Variants in RUNX1 observed in about 807,000 individuals in gnomAD.
RUNX1 encodes RUNX family transcription factor 1.
RUNX1 carries 19 observed loss-of-function variants against 42.8 expected under a neutral mutation model. The observed-to-expected ratio is 0.44, with a 90% CI of 0.31 to 0.65. RUNX1 has a LOEUF of 0.65. RUNX1 is among the 30% of genes least tolerant of loss of function. The pLI, the probability that RUNX1 is intolerant of heterozygous loss-of-function variation, is 0.07. For synonymous variants in RUNX1, 271 were observed against 289.4 expected, an observed-to-expected ratio of 0.94 and a Z score of 0.64; for missense variants, 528 against 672.0, an observed-to-expected ratio of 0.79 and a Z score of 2.37.
chr21:34,967,294 C>T (rs1218449658), intron 2 of RUNX1, among the ~76,000 whole-genome samples: 2 of 114,808 alleles, frequency 1.7e-5, no homozygotes, highest in South Asian at 2.9e-4. Context: ...CACTCCAGCC[C>T]AGGCGACAGT....
chr21:34,881,301 C>A (rs1431551939), intron 4 of RUNX1, among the ~76,000 whole-genome samples: 1 of 152,092 alleles, frequency 6.6e-6, no homozygotes, highest in Non-Finnish European at 1.5e-5. Flanking sequence ...ACAAAAAAAC[C>A]CAATTTCTGC....
chr21:34,898,300 T>C (rs550394076), intron 2 of RUNX1, among the ~76,000 whole-genome samples: 2 of 152,324 alleles, frequency 1.3e-5, no homozygotes, highest in African/African-American at 2.4e-5. Flanking sequence ...CCTGCAGAAC[T>C]GTGGGCTAAA....
At chr21:34,813,347 C>T (rs1009438926) in intron 7 of RUNX1, among the ~76,000 whole-genome samples, 23 of 152,168 alleles carry the variant, frequency 1.5e-4, no homozygotes, top group Admixed American at 5.9e-4. Flanking sequence ...ACCATGATGA[C>T]AAGACGGAAG....
rs6517267 is a variant in RUNX1, at chr21:34,959,065, G to C, written c.59-66102C>G. Among the ~76,000 whole-genome samples, 32 of 151,100 alleles carry C rather than the reference G, an allele frequency of 2.1e-4. 1 individual carries two copies. In the South Asian group the frequency reaches 4.2e-3, roughly 20 times the overall value. ...GGGACTGTTGTGGGGTGGGGGGAGT[G>C]GGGAGGGATAGCATTAGGAGATATA... On this transcript the variant is annotated intron_variant, in intron 2 of 8. Transcript: ENST00000675419.
intron 6 of RUNX1, among the ~76,000 whole-genome samples, chr21:34,847,070 A>C (rs2057327992): frequency 6.6e-6 from 1 of 152,240 alleles, no homozygotes; most frequent in African/African-American, 2.4e-5. Flanking sequence ...AGCAACTCTT[A>C]GGTGCTCTGA....
At chr21:34,952,649 A>G (rs1428593964) in intron 2 of RUNX1, among the ~76,000 whole-genome samples, 1 of 152,172 alleles carries the variant, frequency 6.6e-6, no homozygotes, top group African/African-American at 2.4e-5. Flanking sequence ...CCTCTCTAGA[A>G]GGTAAAAAAT....
At chr21:34,935,696 T>TGTA (rs1192773641) in intron 2 of RUNX1, among the ~76,000 whole-genome samples, 3 of 152,068 alleles carry the variant, frequency 2.0e-5, no homozygotes, top group Admixed American at 1.3e-4. Flanking sequence ...TAGGATGTTT[T>TGTA]GGCTCATCCC....
intron 3 of RUNX1, among the ~76,000 whole-genome samples, chr21:34,888,970 C>T (rs1265372419): frequency 1.3e-5 from 2 of 151,342 alleles, no homozygotes; most frequent in Non-Finnish European, 3.0e-5. Context: ...CGCGTGCGGA[C>T]CCCTTTCCGC....
At chr21:35,015,320 C>G (rs1259296771) in intron 2 of RUNX1, among the ~76,000 whole-genome samples, 1 of 152,082 alleles carries the variant, frequency 6.6e-6, no homozygotes, top group Non-Finnish European at 1.5e-5. Flanking sequence ...AATTCTTCTT[C>G]TTGTTGTTGC....
intron 7 of RUNX1, among the ~76,000 whole-genome samples, chr21:34,809,668 C>A (rs1182614884): frequency 6.6e-6 from 1 of 152,194 alleles, no homozygotes; most frequent in Non-Finnish European, 1.5e-5. Flanking sequence ...AGCCAATCTC[C>A]ACTGTGCTGA....
chr21:34,806,129 G>T (rs1328375862), intron 7 of RUNX1, among the ~76,000 whole-genome samples: 1 of 152,146 alleles, frequency 6.6e-6, no homozygotes, highest in Non-Finnish European at 1.5e-5. Context: ...TACTACTGCA[G>T]TTATATTAAT....
intron 2 of RUNX1, chr21:35,038,308 TC>T: frequency 3.1e-6 from 1 of 321,204 alleles, no homozygotes; most frequent in South Asian, 2.5e-5. Flanking sequence ...CCTCCTGGCC[TC>T]CCTATCAAAG....
intron 6 of RUNX1, among the ~76,000 whole-genome samples, chr21:34,858,957 C>G (rs2057532469): frequency 6.6e-6 from 1 of 152,222 alleles, no homozygotes; most frequent in Non-Finnish European, 1.5e-5. Context: ...CTCCCACTCT[C>G]TATCTTAAAA....
intron 2 of RUNX1, among the ~76,000 whole-genome samples, chr21:35,041,643 CTTCT>C (rs1037958601): frequency 1.4e-5 from 2 of 145,460 alleles, no homozygotes; most frequent in African/African-American, 5.2e-5. Context: ...TCCTTTCTTT[CTTCT>C]TTTTCTTTCT....
chr21:34,864,460 G>C (rs548522991), intron 5 of RUNX1, among the ~76,000 whole-genome samples: 16 of 152,212 alleles, frequency 1.1e-4, no homozygotes, highest in Non-Finnish European at 2.2e-4. Context: ...CGAGAGGGCC[G>C]GTGTTTCTGT....
chr21:35,047,514 AACACACACACACACACACACACACAC>A (rs145398828), intron 2 of RUNX1, among the ~76,000 whole-genome samples: 2 of 70,636 alleles, frequency 2.8e-5, no homozygotes, highest in Admixed American at 1.8e-4. Flanking sequence ...TGCCATCTCC[AACACACACACACACACACACACACAC>A]ACACACACAC....
rs1270663155 is a variant in RUNX1, at chr21:34,834,225, G to T, written c.805+185C>A. Reference sequence around the variant, plus strand: ...TGCAGATCTGACTCGGTGGGTCTGGGGTGGGTGGGGCCCAAGACTCTGCAT... The same window carrying T: ...TGCAGATCTGACTCGGTGGGTCTGGTGTGGGTGGGGCCCAAGACTCTGCAT... On this transcript the variant is annotated intron_variant, in intron 7 of 8. Coordinates refer to ENST00000675419, the MANE Select transcript of RUNX1 (RefSeq NM_001754.5). 8.4e-6 allele frequency: 6 copies of T among 713,720 alleles called. No homozygotes were observed. In the East Asian group the frequency reaches 1.6e-4, roughly 19 times the overall value. 44.2% of individuals were successfully genotyped at this position (713,720 alleles called of 1,614,324 possible).
intron 2 of RUNX1, among the ~76,000 whole-genome samples, chr21:35,043,109 G>C (rs1245037599): frequency 6.6e-6 from 1 of 152,172 alleles, no homozygotes; most frequent in Non-Finnish European, 1.5e-5. Context: ...AGGAGGTTTT[G>C]AGCCCTGTTT....
intron 6 of RUNX1, chr21:34,859,213 C>T (rs975220360): frequency 1.9e-6 from 1 of 522,992 alleles, no homozygotes. Context: ...TTCATGCTGC[C>T]CTGAATGGTT....
Sources: allele counts gnomAD v4.1 joint callset (sites outside exome capture counted in the v4.1 genomes callset), GRCh38; gene constraint gnomAD v4.1.1; transcripts MANE v1.5; gene names NCBI Gene and HGNC (gene_info 2026-07-23, HGNC 2026-07-21).